Variants in GYPC observed in about 807,000 individuals in gnomAD.
The protein encoded by GYPC is glycophorin C (Gerbich blood group), also known as glycophorin-C.
Under a neutral mutation model 12.6 loss-of-function variants are expected in GYPC, and 14 were observed. The observed-to-expected ratio is 1.11, with a 90% CI of 0.74 to 1.74. The LOEUF (loss-of-function observed/expected upper bound fraction) is 1.74, where lower values mean the gene tolerates loss of function less well. GYPC is among the 40% of genes most tolerant of loss of function. The pLI, the probability that GYPC is intolerant of heterozygous loss-of-function variation, is 0.00. For synonymous variants in GYPC, 78 were observed against 62.1 expected, an observed-to-expected ratio of 1.26 and a Z score of -1.20; for missense variants, 225 against 172.1, an observed-to-expected ratio of 1.31 and a Z score of -1.72.
At chr2:126,661,127 G>A (rs1482456801) in intron 1 of GYPC, among the ~76,000 whole-genome samples, 1 of 152,192 alleles carries the variant, frequency 6.6e-6, no homozygotes, top group South Asian at 2.1e-4. Flanking sequence ...GAGCCAGGCC[G>A]GCGACACTGG....
intron 1 of GYPC, among the ~76,000 whole-genome samples, chr2:126,677,691 C>T (rs775665375): frequency 6.6e-6 from 1 of 152,058 alleles, no homozygotes; most frequent in South Asian, 2.1e-4. Context: ...TGTTGCCTGC[C>T]GTAATCCTTC....
At chr2:126,673,726 G>A (rs1682916029) in intron 1 of GYPC, among the ~76,000 whole-genome samples, 1 of 152,186 alleles carries the variant, frequency 6.6e-6, no homozygotes, top group South Asian at 2.1e-4. Flanking sequence ...ATAATTTTAA[G>A]TGGACAAATG....
At chr2:126,667,179 T>G (rs758287533) in intron 1 of GYPC, among the ~76,000 whole-genome samples, 1 of 152,170 alleles carries the variant, frequency 6.6e-6, no homozygotes, top group African/African-American at 2.4e-5. Flanking sequence ...GATTTAGAGA[T>G]ACGTGGATTT....
chr2:126,691,745 C>T (rs1356613660), intron 2 of GYPC, among the ~76,000 whole-genome samples: 2 of 152,128 alleles, frequency 1.3e-5, no homozygotes, highest in South Asian at 4.2e-4. Flanking sequence ...GAGACCTGCA[C>T]CTGGCACCTA....
intron 1 of GYPC, among the ~76,000 whole-genome samples, chr2:126,681,836 A>C (rs1383354309): frequency 2.6e-5 from 4 of 151,956 alleles, no homozygotes; most frequent in South Asian, 2.1e-4. Context: ...GCTACATAGC[A>C]TTCCTCAAAA....
chr2:126,686,282 C>T, intron 1 of GYPC: 1 of 985,742 alleles, frequency 1.0e-6, no homozygotes, highest in Non-Finnish European at 1.2e-6. Context: ...TGAGGTTCTG[C>T]ACCCCAACAG....
Position 126,694,013 on chromosome 2 carries a change from G to T in GYPC, c.190+66G>T. ...GGGGCCTTGGTGAAAACATCCAGGG[G>T]AGAACTGACCTAAGGACTTGGGCAG... On this transcript the variant is annotated intron_variant, in intron 3 of 3. Transcript: ENST00000259254. 7 of 1,091,508 alleles carry T rather than the reference G, an allele frequency of 6.4e-6. No homozygotes were observed. The Admixed American group carries it at 6.8e-5, about 11-fold the overall frequency. The allele number at this position is 1,091,508 out of a possible 1,614,324, so 67.6% of individuals were successfully genotyped here.
intron 1 of GYPC, among the ~76,000 whole-genome samples, chr2:126,688,160 T>C (rs1261508682): frequency 3.3e-5 from 5 of 152,208 alleles, no homozygotes. Context: ...ATGAAATTAT[T>C]AACTGTTTTA....
At chr2:126,675,045 G>A (rs949437272) in intron 1 of GYPC, among the ~76,000 whole-genome samples, 3 of 152,164 alleles carry the variant, frequency 2.0e-5, no homozygotes, top group African/African-American at 7.2e-5. Context: ...TTCTGAAAGG[G>A]TCCCAGATGA....
intron 1 of GYPC, among the ~76,000 whole-genome samples, chr2:126,687,058 G>A (rs1483584646): frequency 2.0e-5 from 3 of 152,142 alleles, no homozygotes; most frequent in African/African-American, 7.2e-5. Flanking sequence ...AGCTGAATGG[G>A]TACAGTGTAA....
At chr2:126,691,562 C>G (rs1683466712) in intron 2 of GYPC, among the ~76,000 whole-genome samples, 1 of 152,122 alleles carries the variant, frequency 6.6e-6, no homozygotes, top group Admixed American at 6.6e-5. Context: ...AAAACACAAA[C>G]CACACAACCT....
chr2:126,676,890 G>A (rs1413345690), intron 1 of GYPC, among the ~76,000 whole-genome samples: 8 of 152,176 alleles, frequency 5.3e-5, no homozygotes, highest in Non-Finnish European at 1.0e-4. Context: ...AATTGAATTG[G>A]TAACTTCCTG....
At chr2:126,676,229 G>A (rs1344461680) in intron 1 of GYPC, among the ~76,000 whole-genome samples, 1 of 152,246 alleles carries the variant, frequency 6.6e-6, no homozygotes, top group East Asian at 1.9e-4. Flanking sequence ...TGACAGAAGA[G>A]TAGATTGTGT....
At chr2:126,688,027 C>A (rs1203974127) in intron 1 of GYPC, among the ~76,000 whole-genome samples, 1 of 152,214 alleles carries the variant, frequency 6.6e-6, no homozygotes, top group African/African-American at 2.4e-5. Flanking sequence ...GAAAATAACA[C>A]TTTTCTGGGA....
intron 3 of GYPC, 50 bp from the exon 4 acceptor site, chr2:126,695,896 C>T (rs764797510): frequency 1.4e-6 from 2 of 1,470,552 alleles, no homozygotes; most frequent in Non-Finnish European, 1.9e-6. Context: ...CCATCCCAGG[C>T]CCCAGAGCCC....
chr2:126,691,206 A>C (rs1384484945), intron 2 of GYPC, among the ~76,000 whole-genome samples: 4 of 152,240 alleles, frequency 2.6e-5, no homozygotes, highest in African/African-American at 9.6e-5. Flanking sequence ...ATAAACCTGC[A>C]TTCTAAGAAA....
At chr2:126,681,987 G>A (rs1683162008) in intron 1 of GYPC, among the ~76,000 whole-genome samples, 1 of 152,144 alleles carries the variant, frequency 6.6e-6, no homozygotes, top group Non-Finnish European at 1.5e-5. Flanking sequence ...GGAGCATGGT[G>A]CGCAGGATTG....
rs373529827 is a variant in GYPC at position 126,688,840 on chromosome 2, A to G, written c.50-1415A>G. ...CAGCTGCACTGGGGAGAATGACCTCATAGCACTATAATTAAAGTGATCATC... is the reference window on the plus strand; with the variant it reads ...CAGCTGCACTGGGGAGAATGACCTCGTAGCACTATAATTAAAGTGATCATC... On this transcript the variant is annotated intron_variant, in intron 1 of 3. Coordinates refer to ENST00000259254, the MANE Select transcript of GYPC (RefSeq NM_002101.5). Among the ~76,000 whole-genome samples, 122 of 152,308 alleles carry G rather than the reference A, an allele frequency of 8.0e-4. 2 individuals carry two copies. Among genetic ancestry groups the G allele is most frequent in the African/African-American group, 2.8e-3 (118 of 41,546 alleles).
intron 1 of GYPC, among the ~76,000 whole-genome samples, chr2:126,676,693 T>C (rs1389823331): frequency 1.3e-5 from 2 of 151,658 alleles, no homozygotes; most frequent in Admixed American, 1.3e-4. Context: ...CTTGCCAGGG[T>C]GATGGATTGA....
Sources: allele counts gnomAD v4.1 joint callset (sites outside exome capture counted in the v4.1 genomes callset), GRCh38; gene constraint gnomAD v4.1.1; transcripts MANE v1.5; gene names NCBI Gene and HGNC (gene_info 2026-07-23, HGNC 2026-07-21).